HEATR4: variants seen among roughly 807,000 people sequenced by gnomAD.
HEATR4 encodes the protein HEAT repeat-containing protein 4.
HEATR4 carries 95 observed loss-of-function variants against 108.8 expected under a neutral mutation model. The ratio of observed to expected loss-of-function variants is 0.87; its 90% CI spans 0.74 to 1.04. The LOEUF is 1.04. Among genes scored for constraint, HEATR4 ranks in the 50% least tolerant of loss-of-function variants. The pLI is 0.00. For synonymous variants in HEATR4, 443 were observed against 459.4 expected, an observed-to-expected ratio of 0.96 and a Z score of 0.46; for missense variants, 1,152 against 1,253.8, an observed-to-expected ratio of 0.92 and a Z score of 1.23.
At chr14:73,567,232 C>G in the HEATR4 span, among the ~76,000 whole-genome samples, 1 of 152,124 alleles carries the variant, frequency 6.6e-6, no homozygotes, top group African/African-American at 2.4e-5. Flanking sequence ...CCATCTTGCC[C>G]AACTTCCACT....
chr14:73,612,645 G>C, the HEATR4 span: 3 of 1,404,900 alleles, frequency 2.1e-6, no homozygotes, highest in Non-Finnish European at 2.8e-6. Context: ...GCAGTGCGCG[G>C]CCTGGCCCCG....
intron 15 of HEATR4, among the ~76,000 whole-genome samples, chr14:73,496,371 A>G (rs1400707642): frequency 6.6e-6 from 1 of 152,028 alleles, no homozygotes; most frequent in Non-Finnish European, 1.5e-5. Context: ...GGGTTACTTG[A>G]TAGGACTAAT....
chr14:73,615,341 C>G, the HEATR4 span, among the ~76,000 whole-genome samples: 1 of 137,664 alleles, frequency 7.3e-6, no homozygotes, highest in African/African-American at 2.9e-5. Context: ...GAGCCAAAAT[C>G]ACACCACATC....
the HEATR4 span, chr14:73,595,202 A>G: frequency 6.2e-7 from 1 of 1,614,126 alleles, no homozygotes; most frequent in Non-Finnish European, 8.5e-7. Flanking sequence ...GCACAGTAGC[A>G]TTCCACCATT....
At chr14:73,595,617 T>C in the HEATR4 span, 12 of 1,539,094 alleles carry the variant, frequency 7.8e-6, no homozygotes, top group Non-Finnish European at 1.0e-5. Context: ...TGCAAACACC[T>C]GGGAGGTACC....
chr14:73,535,487 T>C (rs71426978), intron 1 of HEATR4, among the ~76,000 whole-genome samples: 1,517 of 53,710 alleles, frequency 0.028, 357 homozygotes, highest in African/African-American at 0.078. Flanking sequence ...TTTTTTTTTT[T>C]TTTTTTTTTT....
the HEATR4 span, among the ~76,000 whole-genome samples, chr14:73,570,333 G>A: frequency 2.6e-5 from 4 of 151,896 alleles, no homozygotes; most frequent in African/African-American, 9.7e-5. Flanking sequence ...ACTTTGGGAA[G>A]TCTCGGCGGG....
the HEATR4 span, chr14:73,592,422 C>G: frequency 1.3e-6 from 2 of 1,507,226 alleles, no homozygotes; most frequent in Non-Finnish European, 1.8e-6. Context: ...GCCAGGTGAG[C>G]CAGGCTGCTG....
At chr14:73,538,765 C>T (rs1195570904) in intron 1 of HEATR4, among the ~76,000 whole-genome samples, 1 of 113,516 alleles carries the variant, frequency 8.8e-6, no homozygotes, top group Non-Finnish European at 1.9e-5. Context: ...ATCAAGAGTT[C>T]GAGACCAGCC....
the HEATR4 span, among the ~76,000 whole-genome samples, chr14:73,580,469 C>T: frequency 6.6e-6 from 1 of 151,974 alleles, no homozygotes; most frequent in African/African-American, 2.4e-5. Flanking sequence ...ATTATCCATG[C>T]TAGCAAGGGG....
chr14:73,491,800 T>A (rs1325472045), intron 17 of HEATR4: 1 of 1,595,694 alleles, frequency 6.3e-7, no homozygotes, highest in African/African-American at 1.3e-5. Context: ...TCGGCCAGCA[T>A]TTGGACGCCG....
the HEATR4 span, among the ~76,000 whole-genome samples, chr14:73,566,325 G>A: frequency 2.7e-3 from 408 of 152,206 alleles, 9 homozygotes; most frequent in Non-Finnish European, 3.8e-3. Flanking sequence ...GTCCCGCACC[G>A]TGAGCCCACA....
At chr14:73,613,897 TA>T in the HEATR4 span, among the ~76,000 whole-genome samples, 3 of 151,780 alleles carry the variant, frequency 2.0e-5, no homozygotes, top group African/African-American at 7.3e-5. Flanking sequence ...CTCTACCATA[TA>T]AAAATGATGA....
the HEATR4 span, chr14:73,595,759 G>T: frequency 7.6e-7 from 1 of 1,307,866 alleles, no homozygotes; most frequent in Non-Finnish European, 1.0e-6. Context: ...CCATGTCTTT[G>T]TCATTAATGG....
chr14:73,492,320 A>G lies in HEATR4; in HGVS notation c.2844+746T>C. On this transcript the variant is annotated intron_variant, in intron 17 of 17. Transcript: ENST00000553558. The surrounding 1 kb of genome is among the most constrained non-coding windows in gnomAD (Gnocchi z 4.9). ...TACCTGGGGTGACTTCTTAGAGGCC[A>G]TACTGCCTCTGGCAGTGCAGGCTGC... 3.7e-6 allele frequency: 6 copies of G among 1,614,046 alleles called. No homozygotes were observed. The highest frequency in any genetic ancestry group is 5.1e-6 in the Non-Finnish European group (6 of 1,179,892).
the HEATR4 span, among the ~76,000 whole-genome samples, chr14:73,610,535 C>T: frequency 6.6e-6 from 1 of 152,080 alleles, no homozygotes. Context: ...AAGTCATCCG[C>T]CCCCCTCGGC....
At chr14:73,496,558 A>G (rs553731502) in intron 15 of HEATR4, 43 bp downstream of exon 15, 2 of 1,208,584 alleles carry the variant, frequency 1.7e-6, no homozygotes, top group Non-Finnish European at 2.5e-6. Flanking sequence ...AACTCTTGAG[A>G]GTCCTGAATT....
At chr14:73,589,539 G>C in the HEATR4 span, among the ~76,000 whole-genome samples, 1 of 152,078 alleles carries the variant, frequency 6.6e-6, no homozygotes, top group African/African-American at 2.4e-5. Context: ...GGCTCGTCTA[G>C]ATCTCCCAAC....
At chr14:73,483,849 T>G (rs898055593) in intron 17 of HEATR4, among the ~76,000 whole-genome samples, 1 of 152,132 alleles carries the variant, frequency 6.6e-6, no homozygotes, top group Non-Finnish European at 1.5e-5. Context: ...GAAAACATTT[T>G]AGATGTCAAT....
Sources: allele counts gnomAD v4.1 joint callset (sites outside exome capture counted in the v4.1 genomes callset), GRCh38; gene constraint gnomAD v4.1.1; non-coding constraint Gnocchi (gnomAD v3.1); transcripts MANE v1.5; gene names NCBI Gene and HGNC (gene_info 2026-07-23, HGNC 2026-07-21).